Variants in KRCC1 observed in about 807,000 individuals in gnomAD.
KRCC1 encodes the protein lysine rich coiled-coil 1.
In KRCC1, 3 loss-of-function variants were observed where a neutral mutation model predicts 7.4. The observed-to-expected ratio is 0.40, with a 90% CI of 0.18 to 1.04. The LOEUF is 1.04. Ranked by LOEUF, KRCC1 falls within the 50% of genes least tolerant of loss-of-function variation. KRCC1 has a pLI of 0.33. For synonymous variants in KRCC1, 102 were observed against 101.6 expected, an observed-to-expected ratio of 1.00 and a Z score of -0.02; for missense variants, 277 against 300.9, an observed-to-expected ratio of 0.92 and a Z score of 0.59.
At chr2:88,047,430 T>C (rs1206547475) in intron 1 of KRCC1, among the ~76,000 whole-genome samples, 1 of 152,186 alleles carries the variant, frequency 6.6e-6, no homozygotes, top group Non-Finnish European at 1.5e-5. Flanking sequence ...ATCTCATGTT[T>C]GATGAATAAA....
In KRCC1 at chr2:88,028,215, G is replaced by A. The variant is rs1269993024; in HGVS notation, c.349C>T (p.Pro117Ser). The A allele has an allele frequency of 1.2e-6, 2 of 1,614,148 alleles. No individual in the cohort carries two copies. Among genetic ancestry groups the A allele is most frequent in the Non-Finnish European group, 1.7e-6 (2 of 1,180,022 alleles). ...TRDCFSEKPV[P>S]LNFNQQEYIC... is the part of the protein sequence containing the mutation. ...TATTCTTGTTGATTAAAGTTCAGGGGTACTGGTTTTTCTGAGAAACAGTCC... is the reference window on the plus strand; with the variant it reads ...TATTCTTGTTGATTAAAGTTCAGGGATACTGGTTTTTCTGAGAAACAGTCC... The change falls in exon 4 of 4, where the codon CCC (proline) becomes TCC (serine). Residue 117 changes from proline to serine, a missense_variant. Pro to Ser is a moderately conservative substitution (Grantham distance 74). Transcript: ENST00000347055.
rs1195912947 is a variant in KRCC1, at chr2:88,038,521, C to T, written c.-290-1470G>A. On this transcript the variant is annotated intron_variant, in intron 1 of 3. Transcript: ENST00000347055. The stretch of plus-strand genomic sequence containing the variant: ...TGATCTTGTGAATCTTACTTAGAAA[C>T]CTTAACTATTTATTCTGGGCCAGAG... 2.0e-5 allele frequency among the ~76,000 whole-genome samples: 3 copies of T among 152,296 alleles called. No individual in the cohort carries two copies. In the East Asian group the frequency reaches 5.8e-4, roughly 29 times the overall value.
chr2:88,041,581 G>T (rs6735706), intron 1 of KRCC1, among the ~76,000 whole-genome samples: 2 of 152,068 alleles, frequency 1.3e-5, no homozygotes, highest in Admixed American at 6.6e-5. Context: ...TTGGGTCCCT[G>T]AACTAATTGT....
intron 1 of KRCC1, among the ~76,000 whole-genome samples, chr2:88,043,645 T>C (rs1673264322): frequency 6.6e-6 from 1 of 152,214 alleles, no homozygotes; most frequent in Admixed American, 6.5e-5. Flanking sequence ...TACAATGTAT[T>C]AGGTACTGTT....
rs770934625 is a variant in KRCC1 at position 88,028,291 on chromosome 2, G to A, written c.273C>T (p.Ala91=). The change falls in exon 4 of 4, where the codon GCC becomes GCT. Residue 91 remains alanine, a synonymous_variant. Coordinates refer to ENST00000347055, the MANE Select transcript of KRCC1 (RefSeq NM_016618.3). ...VENRLPQWLP[A]HDSRLRLDSL... Reference sequence around the variant, plus strand: ...AGTCTAGTCTCAATCTGCTGTCATGGGCTGGTAACCACTGAGGCAACCGAT... The same window carrying A: ...AGTCTAGTCTCAATCTGCTGTCATGAGCTGGTAACCACTGAGGCAACCGAT... The A allele has an allele frequency of 1.7e-5, 27 of 1,614,032 alleles. No homozygotes were observed. The Admixed American group carries it at 4.3e-4, about 26-fold the overall frequency.
intron 1 of KRCC1, among the ~76,000 whole-genome samples, chr2:88,041,708 C>T (rs1673214201): frequency 1.3e-5 from 2 of 152,164 alleles, no homozygotes; most frequent in Admixed American, 1.3e-4. Context: ...TTGACATCAC[C>T]TCTCTTTCAC....
chr2:88,031,838 A>C (rs942228593), intron 3 of KRCC1, among the ~76,000 whole-genome samples: 1 of 151,896 alleles, frequency 6.6e-6, no homozygotes, highest in South Asian at 2.1e-4. Context: ...AAACAAGAAA[A>C]ATTTTTAAAA....
rs116606730 is a variant in KRCC1 at position 88,027,945 on chromosome 2, C to T, written c.619G>A (p.Val207Ile). The T allele has an allele frequency of 2.2e-3, 3,613 of 1,613,664 alleles. 5 individuals carry two copies. The highest frequency in any genetic ancestry group is 4.2e-3 in the Admixed American group (250 of 59,924). ...RKKTEVEIET[V>I]HVSTEKLKNR... Reference sequence around the variant, plus strand: ...TTAAGCTTTTCTGTACTGACATGTACGGTTTCTATTTCCACCTCTGTTTTC... The same window carrying T: ...TTAAGCTTTTCTGTACTGACATGTATGGTTTCTATTTCCACCTCTGTTTTC... Residue 207 changes from valine (V) to isoleucine (I), a missense_variant, in exon 4 of 4, where the codon GTA becomes ATA. Coordinates refer to ENST00000347055, the MANE Select transcript of KRCC1 (RefSeq NM_016618.3).
At chr2:88,047,116 G>T (rs1356858945) in intron 1 of KRCC1, among the ~76,000 whole-genome samples, 1 of 152,172 alleles carries the variant, frequency 6.6e-6, no homozygotes, top group Non-Finnish European at 1.5e-5. Context: ...TTAAATACTA[G>T]GAATCATTCT....
chr2:88,028,074 G>C lies in KRCC1; in HGVS notation c.490C>G (p.Pro164Ala). 1 of 1,613,794 alleles carries C rather than the reference G, an allele frequency of 6.2e-7. No individual in the cohort carries two copies. Among genetic ancestry groups the C allele is most frequent in the Non-Finnish European group, 8.5e-7 (1 of 1,179,990 alleles). ...TCTGATTTTTCTCTGCCTTCCTCTG[G>C]GTGCCTTTTCCTCTTCTGATGTATC... Reference protein sequence around the residue: ...KQIHQKRKRHPEEGREKSEEE... With the variant: ...KQIHQKRKRHAEEGREKSEEE... The change falls in exon 4 of 4, where the codon CCA becomes GCA. Residue 164 changes from proline (P) to alanine (A), a missense_variant. Pro to Ala is a conservative substitution (Grantham distance 27). Coordinates refer to ENST00000347055, the MANE Select transcript of KRCC1 (RefSeq NM_016618.3).
chr2:88,048,119 G>A (rs961479461), intron 1 of KRCC1, among the ~76,000 whole-genome samples: 1 of 139,912 alleles, frequency 7.1e-6, no homozygotes, highest in Non-Finnish European at 1.5e-5. Flanking sequence ...TTTCACTCTT[G>A]TTGCGCAGGC....
chr2:88,028,918 C>T (rs1378580202), intron 3 of KRCC1, among the ~76,000 whole-genome samples: 1 of 152,012 alleles, frequency 6.6e-6, no homozygotes, highest in Non-Finnish European at 1.5e-5. Context: ...CCCAAAGTGC[C>T]AGGATTACAG....
intron 3 of KRCC1, among the ~76,000 whole-genome samples, chr2:88,032,069 G>A (rs1311314322): frequency 6.6e-6 from 1 of 152,030 alleles, no homozygotes; most frequent in African/African-American, 2.4e-5. Flanking sequence ...TTGAACCTGG[G>A]AGGCGGAGGG....
intron 1 of KRCC1, among the ~76,000 whole-genome samples, chr2:88,051,529 T>C (rs914281061): frequency 6.6e-6 from 1 of 152,242 alleles, no homozygotes. Flanking sequence ...TATTGAGTCC[T>C]AGCCATGTTT....
At chr2:88,041,939 G>A (rs1300307807) in intron 1 of KRCC1, among the ~76,000 whole-genome samples, 1 of 151,296 alleles carries the variant, frequency 6.6e-6, no homozygotes, top group East Asian at 1.9e-4. Flanking sequence ...AAATCCTGGA[G>A]GTAGCATCTC....
intron 1 of KRCC1, among the ~76,000 whole-genome samples, chr2:88,051,741 C>T (rs1263895004): frequency 6.6e-6 from 1 of 152,188 alleles, no homozygotes; most frequent in Admixed American, 6.5e-5. Flanking sequence ...TGAATGTCAG[C>T]CATTATAGGT....
chr2:88,050,070 C>T (rs1163799248), intron 1 of KRCC1, among the ~76,000 whole-genome samples: 19 of 152,270 alleles, frequency 1.2e-4, no homozygotes, highest in Non-Finnish European at 4.4e-5. Context: ...AAAGGGCTGG[C>T]CTAATTCATC....
At chr2:88,036,268 T>A (rs1558832345) in intron 2 of KRCC1, among the ~76,000 whole-genome samples, 1 of 152,168 alleles carries the variant, frequency 6.6e-6, no homozygotes, top group Non-Finnish European at 1.5e-5. Context: ...GCCATTGTAA[T>A]GTAGTATACA....
At chr2:88,031,734 C>T (rs1361802532) in intron 3 of KRCC1, among the ~76,000 whole-genome samples, 1 of 151,558 alleles carries the variant, frequency 6.6e-6, no homozygotes, top group Admixed American at 6.6e-5. Context: ...TGTGTTTTAA[C>T]CTAAGTGTGA....
Sources: allele counts gnomAD v4.1 joint callset (sites outside exome capture counted in the v4.1 genomes callset), GRCh38; gene constraint gnomAD v4.1.1; transcripts MANE v1.5; gene names NCBI Gene and HGNC (gene_info 2026-07-23, HGNC 2026-07-21).